The following OTOF variants were observed in gnomAD, a reference collection of about 807,000 sequenced individuals.
OTOF encodes otoferlin, also known as fer-1-like family member 2.
A neutral mutation model predicts 236.8 loss-of-function variants in OTOF; 218 were observed. The observed-to-expected ratio is 0.92, with a 90% confidence interval of 0.82 to 1.03. The LOEUF (loss-of-function observed/expected upper bound fraction) is 1.03, where lower values mean the gene tolerates loss of function less well. OTOF is among the 50% of genes least tolerant of loss of function. The pLI is 0.00. For missense variants in OTOF, 2,590 were observed against 2,694.4 expected (o/e 0.96, Z 0.86); for synonymous variants, 1,041 against 1,072.5 (o/e 0.97, Z 0.57).
intron 1 of OTOF, 71 bp downstream of exon 1, chr2:26,558,422 C>T (rs1235556202): frequency 1.7e-5 from 23 of 1,387,252 alleles, no homozygotes; most frequent in South Asian, 8.1e-5. Context: ...GTCCTATCCC[C>T]GGCCACCTCC....
chr2:26,474,262 A>G lies in OTOF; in HGVS notation c.3289-152T>C, dbSNP rs918376606. 1,297 of 1,106,222 alleles carry G rather than the reference A, an allele frequency of 1.2e-3. 1 individual carries two copies. Among genetic ancestry groups the G allele is most frequent in the South Asian group, 1.8e-3 (115 of 65,478 alleles). 68.5% of individuals were successfully genotyped at this position (1,106,222 alleles called of 1,614,324 possible). ...CAGGATGGGTAGGAGAGAGGCCCCT[A>G]GGCCCCAGCCCCCAGGCCCCAGCTC... On this transcript the variant is annotated intron_variant, in intron 26 of 46. Transcript: ENST00000272371.
intron 5 of OTOF, among the ~76,000 whole-genome samples, chr2:26,507,587 G>C (rs1313953890): frequency 6.6e-6 from 1 of 152,142 alleles, no homozygotes; most frequent in Non-Finnish European, 1.5e-5. Context: ...TGGTCTAGTT[G>C]AGTTCTACAA....
intron 8 of OTOF, among the ~76,000 whole-genome samples, chr2:26,498,789 G>A (rs79729197): frequency 0.024 from 3,642 of 152,298 alleles, 142 homozygotes; most frequent in African/African-American, 0.083. Context: ...AACATCTGCT[G>A]GGAGCCAGAG....
chr2:26,481,216 G>A (rs1446187697), intron 14 of OTOF, among the ~76,000 whole-genome samples: 1 of 152,220 alleles, frequency 6.6e-6, no homozygotes, highest in East Asian at 1.9e-4. Context: ...GGGGGCCTGA[G>A]CTGGAAGCAG....
chr2:26,500,384 G>T (rs1320554719), intron 8 of OTOF, among the ~76,000 whole-genome samples: 1 of 152,172 alleles, frequency 6.6e-6, no homozygotes, highest in Non-Finnish European at 1.5e-5. Flanking sequence ...CTCTATTTTT[G>T]ATGTGTCCTT....
At position 26,516,427 on chromosome 2, in the gene OTOF, C is replaced by T. The variant is rs1217225315; in HGVS notation, c.500G>A (p.Ser167Asn). ...RPSSRPPGEK[S>N]FRRAGRSVFS... is the part of the protein sequence containing the mutation. ...GGGTCCTGCCTGTTACCTCCGGAAG[C>T]TCTTCTCTCCTGGGGGCCGGGAGCT... The change falls in exon 5 of 47, where the codon AGC (serine) becomes AAC (asparagine). Residue 167 changes from serine to asparagine, a missense_variant. By Grantham distance (46) the Ser-to-Asn change is conservative. This residue lies in a region of OTOF where 1,379 missense variants were observed against 1,341.6 expected (regional missense o/e 1.03). Transcript: ENST00000272371. The T allele has an allele frequency of 5.0e-6, 8 of 1,613,832 alleles. No homozygotes were observed. The highest frequency in any genetic ancestry group is 1.7e-5 in the Admixed American group (1 of 60,024).
Position 26,467,435 on chromosome 2 carries a change from G to T in OTOF, c.4157C>A (p.Thr1386Asn). The T allele has an allele frequency of 6.2e-7, 1 of 1,614,048 alleles. No homozygotes were observed. The highest frequency in any genetic ancestry group is 8.5e-7 in the Non-Finnish European group (1 of 1,180,022). Residue 1386 changes from threonine (T) to asparagine (N), a missense_variant, in exon 34 of 47, where the codon ACT becomes AAT. This residue lies in a region of OTOF where 1,211 missense variants were observed against 1,352.8 expected (regional missense o/e 0.90). Coordinates refer to ENST00000272371, the MANE Select transcript of OTOF (RefSeq NM_194248.3). ...CCCCTGGCCAGAGCCAGAGCTCTGA[G>T]TTTTCTTCTTCTTCTCCTCTTTGGC... The part of the protein sequence containing the change: ...RAAKEEKKKK[T>N]QSSGSGQGSE...
At position 26,474,000 on chromosome 2, in the gene OTOF, G is replaced by A; in HGVS notation, c.3399C>T (p.Tyr1133=). Residue 1133 remains tyrosine, a synonymous_variant, in exon 27 of 47, where the codon TAC becomes TAT. Coordinates refer to ENST00000272371, the MANE Select transcript of OTOF (RefSeq NM_194248.3). The surrounding 1 kb of genome is among the most constrained non-coding windows in gnomAD (Gnocchi z 7.2). ...CACAGAGCCCTCGCACCTCCACTCG[G>A]TACTTGCTGAGCACGGGCCGGATGC... ...PMGIRPVLSK[Y]RVEVLFWGLR... The A allele has an allele frequency of 1.2e-6, 2 of 1,612,948 alleles. No individual in the cohort carries two copies. The highest frequency in any genetic ancestry group is 1.1e-5 in the South Asian group (1 of 91,088).
At chr2:26,551,522 T>C (rs1307574327) in intron 1 of OTOF, among the ~76,000 whole-genome samples, 2 of 152,134 alleles carry the variant, frequency 1.3e-5, no homozygotes, top group East Asian at 3.9e-4. Flanking sequence ...GCTAAGTGGG[T>C]TTCCTCACCA....
chr2:26,460,977 G>A lies in OTOF; in HGVS notation c.5587C>T (p.Gln1863Ter). Residue 1863 changes from glutamine to a stop codon, truncating the protein, a stop_gained, in exon 44 of 47, where the codon CAG becomes TAG. Transcript: ENST00000272371. LOFTEE classifies it high-confidence loss of function. The surrounding 1 kb of genome is among the most constrained non-coding windows in gnomAD (Gnocchi z 5.3). ...RFPRGAKTAK[Q>*]CTMEMATGEV... The stretch of plus-strand genomic sequence containing the variant: ...CCGGTGGCCATCTCCATGGTGCACT[G>A]CTTGGCTGTCTTTGCGCCCCGCGGG... 6.2e-7 allele frequency: 1 copy of A among 1,613,888 alleles called. No homozygotes were observed. Among genetic ancestry groups the A allele is most frequent in the Non-Finnish European group, 8.5e-7 (1 of 1,179,948 alleles).
intron 2 of OTOF, among the ~76,000 whole-genome samples, chr2:26,535,186 C>T (rs1234511807): frequency 1.3e-5 from 2 of 152,182 alleles, no homozygotes; most frequent in African/African-American, 4.8e-5. Context: ...CAACACGGGC[C>T]TTGCAGGGGT....
chr2:26,524,230 G>A (rs1666747142), intron 3 of OTOF, among the ~76,000 whole-genome samples: 1 of 149,148 alleles, frequency 6.7e-6, no homozygotes, highest in Non-Finnish European at 1.5e-5. Context: ...AATACAGGCT[G>A]GATTTGGTGG....
rs1665357862 is a variant in OTOF, at chr2:26,477,350, G to A, written c.2407-62C>T. 4 of 1,585,562 alleles carry A rather than the reference G, an allele frequency of 2.5e-6. 1 individual carries two copies. The Admixed American group carries it at 5.2e-5, about 21-fold the overall frequency. On this transcript the variant is annotated intron_variant, in intron 20 of 46. Coordinates refer to ENST00000272371, the MANE Select transcript of OTOF (RefSeq NM_194248.3). This position sits in a 1 kb window ranked among gnomAD's most constrained non-coding sequence, Gnocchi z 4.7. ...GGGGACAGCTCGGGCCATGACAAAG[G>A]GGGTTGTGACACCTTCTCACAACCA...
chr2:26,523,663 A>G (rs941467485), intron 3 of OTOF, among the ~76,000 whole-genome samples: 3 of 152,166 alleles, frequency 2.0e-5, no homozygotes, highest in Admixed American at 6.5e-5. Context: ...CTGCCTCCTA[A>G]CACCACAGGG....
chr2:26,489,015 G>A (rs894474478), intron 11 of OTOF, among the ~76,000 whole-genome samples, 196 bp downstream of exon 11: 1 of 152,236 alleles, frequency 6.6e-6, no homozygotes, highest in Non-Finnish European at 1.5e-5. Context: ...GACTGGGTGC[G>A]CAGTTGCTCA....
At chr2:26,506,257 C>T (rs1666245415) in intron 5 of OTOF, among the ~76,000 whole-genome samples, 1 of 152,252 alleles carries the variant, frequency 6.6e-6, no homozygotes. Flanking sequence ...CCAGGAGTCT[C>T]CTGCAGGGCT....
intron 1 of OTOF, among the ~76,000 whole-genome samples, chr2:26,552,388 T>G (rs888172993): frequency 4.0e-5 from 6 of 151,832 alleles, no homozygotes; most frequent in African/African-American, 1.5e-4. Context: ...AAGAAAAAAA[T>G]GAGACCCAGG....
rs12052886 is a variant in OTOF at position 26,488,961 on chromosome 2, C to A, written c.1045+250G>T. Reference sequence around the variant, plus strand: ...AGCGTGTGATGAAGCTCCTTCCAGGCTCTGTGCAGAGTTACTCACCTAATT... The same window carrying A: ...AGCGTGTGATGAAGCTCCTTCCAGGATCTGTGCAGAGTTACTCACCTAATT... On this transcript the variant is annotated intron_variant, in intron 11 of 46. Transcript: ENST00000272371. Among the ~76,000 whole-genome samples, 30,527 of 152,240 alleles carry A rather than the reference C, an allele frequency of 0.2. 3,898 individuals are homozygous for A. The highest frequency in any genetic ancestry group is 0.32 in the South Asian group (1,546 of 4,828).
intron 9 of OTOF, among the ~76,000 whole-genome samples, chr2:26,494,314 C>T (rs1309113363): frequency 6.6e-6 from 1 of 152,198 alleles, no homozygotes; most frequent in African/African-American, 2.4e-5. Flanking sequence ...TCTTTCACAC[C>T]CTAAAATCAA....
Sources: allele counts gnomAD v4.1 joint callset (sites outside exome capture counted in the v4.1 genomes callset), GRCh38; gene constraint gnomAD v4.1.1; regional missense constraint gnomAD v4.1.1; non-coding constraint Gnocchi (gnomAD v3.1); transcripts MANE v1.5; gene names NCBI Gene and HGNC (gene_info 2026-07-23, HGNC 2026-07-21).